Variants in PLXDC2 observed in about 807,000 individuals in gnomAD.
The protein encoded by PLXDC2 is plexin domain-containing protein 2.
In PLXDC2, 40 loss-of-function variants were observed where a neutral mutation model predicts 68.9. The ratio of observed to expected loss-of-function variants is 0.58; its 90% CI spans 0.45 to 0.76. The LOEUF (loss-of-function observed/expected upper bound fraction) is 0.76, where lower values mean the gene tolerates loss of function less well. Among genes scored for constraint, PLXDC2 ranks in the 30% least tolerant of loss-of-function variants. PLXDC2 has a pLI of 0.00. For missense variants in PLXDC2, 644 were observed against 661.9 expected (o/e 0.97, Z 0.30); for synonymous variants, 243 against 234.2 (o/e 1.04, Z -0.34).
chr10:19,943,814 T>C (rs1437857471), intron 1 of PLXDC2, among the ~76,000 whole-genome samples: 1 of 152,234 alleles, frequency 6.6e-6, no homozygotes. Flanking sequence ...GAAAATGGGC[T>C]ATTTCAGTGA....
chr10:19,993,297 C>T (rs1834780958), intron 1 of PLXDC2, among the ~76,000 whole-genome samples: 1 of 143,094 alleles, frequency 7.0e-6, no homozygotes, highest in African/African-American at 2.6e-5. Context: ...TTATATTTTC[C>T]ATAGGATAGT....
At chr10:20,125,284 A>G (rs1589641907) in intron 4 of PLXDC2, among the ~76,000 whole-genome samples, 2 of 152,302 alleles carry the variant, frequency 1.3e-5, no homozygotes, top group Admixed American at 6.5e-5. Context: ...TAACAACGCC[A>G]TATCCGAAAA....
chr10:20,281,122 A>G lies in PLXDC2; in HGVS notation c.*1303A>G, dbSNP rs1337589783. 6.6e-6 allele frequency: 1 copy of G among 152,106 alleles called. No homozygotes were observed. The highest frequency in any genetic ancestry group is 2.4e-5 in the African/African-American group (1 of 41,432). 9.4% of individuals were successfully genotyped at this position (152,106 alleles called of 1,614,324 possible). On this transcript the variant is annotated 3_prime_UTR_variant, in exon 14 of 14. Coordinates refer to ENST00000377252, the MANE Select transcript of PLXDC2 (RefSeq NM_032812.9). ...TGCCGCGCCCATCATGTTCTTGACT[A>G]TTTGATCCACTTTTTCGTTTATGTC...
intron 9 of PLXDC2, among the ~76,000 whole-genome samples, chr10:20,192,568 A>AG (rs756337572): frequency 6.6e-5 from 10 of 152,042 alleles, no homozygotes; most frequent in Non-Finnish European, 1.3e-4. Context: ...GTGTTTGAAG[A>AG]ATTTGTTATT....
intron 1 of PLXDC2, among the ~76,000 whole-genome samples, chr10:19,970,283 T>C (rs77966448): frequency 1.6e-3 from 238 of 152,332 alleles, no homozygotes; most frequent in African/African-American, 5.5e-3. Flanking sequence ...CATCATGGCC[T>C]TCGTACTTTG....
At chr10:20,263,799 G>C (rs1174978243) in intron 13 of PLXDC2, among the ~76,000 whole-genome samples, 1 of 152,090 alleles carries the variant, frequency 6.6e-6, no homozygotes, top group East Asian at 1.9e-4. Context: ...GAATGGCTAT[G>C]ATTAAAAAGT....
At chr10:20,156,061 C>T (rs762483179) in intron 6 of PLXDC2, among the ~76,000 whole-genome samples, 1 of 151,812 alleles carries the variant, frequency 6.6e-6, no homozygotes, top group Non-Finnish European at 1.5e-5. Context: ...TTGTGTCTCC[C>T]CCAAACCCAG....
At position 19,929,253 on chromosome 10, in the gene PLXDC2, G is replaced by T. The variant is rs1293740274; in HGVS notation, c.113-72522G>T. 3.3e-5 allele frequency among the ~76,000 whole-genome samples: 5 copies of T among 151,770 alleles called. No individual in the cohort carries two copies. The East Asian group carries it at 5.9e-4, about 18-fold the overall frequency. ...AAATAAATAACAACAACAACGAAAAGAACCCACTCTCTAGAGGGTAGCAGT... is the reference window on the plus strand; with the variant it reads ...AAATAAATAACAACAACAACGAAAATAACCCACTCTCTAGAGGGTAGCAGT... On this transcript the variant is annotated intron_variant, in intron 1 of 13. Transcript: ENST00000377252.
chr10:20,061,241 A>T (rs984327870), intron 3 of PLXDC2, among the ~76,000 whole-genome samples: 1 of 152,188 alleles, frequency 6.6e-6, no homozygotes, highest in African/African-American at 2.4e-5. Flanking sequence ...CCCATATAGC[A>T]TTTATGTGTC....
intron 2 of PLXDC2, among the ~76,000 whole-genome samples, chr10:20,037,495 G>A (rs12240803): frequency 6.6e-6 from 1 of 152,006 alleles, no homozygotes; most frequent in South Asian, 2.1e-4. Context: ...ATCTCCTAAT[G>A]CTCTATCTCA....
At chr10:20,164,042 A>G (rs1278418082) in intron 6 of PLXDC2, among the ~76,000 whole-genome samples, 2 of 152,202 alleles carry the variant, frequency 1.3e-5, no homozygotes, top group African/African-American at 4.8e-5. Context: ...CTGCTTATAA[A>G]CAAAGATTTT....
chr10:19,962,612 G>C (rs1205182318), intron 1 of PLXDC2, among the ~76,000 whole-genome samples: 2 of 147,164 alleles, frequency 1.4e-5, no homozygotes, highest in African/African-American at 2.5e-5. Flanking sequence ...ATATGGTCTC[G>C]ATCTCCTGAC....
chr10:19,877,390 C>T (rs1837651402), intron 1 of PLXDC2, among the ~76,000 whole-genome samples: 1 of 152,142 alleles, frequency 6.6e-6, no homozygotes, highest in African/African-American at 2.4e-5. Flanking sequence ...ACTCAGTCTC[C>T]CTTTCTTCCA....
chr10:20,215,483 T>A (rs1218565541), intron 10 of PLXDC2, among the ~76,000 whole-genome samples: 2 of 151,974 alleles, frequency 1.3e-5, no homozygotes, highest in Admixed American at 6.6e-5. Flanking sequence ...GTCCCTCTTC[T>A]GGGACTGCCT....
chr10:19,819,633 C>G (rs1402116007), intron 1 of PLXDC2, among the ~76,000 whole-genome samples: 4 of 152,180 alleles, frequency 2.6e-5, no homozygotes, highest in Non-Finnish European at 5.9e-5. Flanking sequence ...TTCATTGCCA[C>G]CAGAGGGCAG....
intron 9 of PLXDC2, among the ~76,000 whole-genome samples, chr10:20,210,678 A>C (rs61854644): frequency 0.17 from 26,208 of 152,148 alleles, 2,960 homozygotes; most frequent in Middle Eastern, 0.24. Context: ...TGTTATACTC[A>C]AGGTTGCCAC....
intron 1 of PLXDC2, among the ~76,000 whole-genome samples, chr10:19,997,299 CAT>C (rs1273023457): frequency 6.6e-6 from 1 of 152,208 alleles, no homozygotes; most frequent in Non-Finnish European, 1.5e-5. Context: ...GATGCAAAGA[CAT>C]ATGGCATTCT....
At chr10:20,166,694 A>G (rs1834379487) in intron 7 of PLXDC2, among the ~76,000 whole-genome samples, 1 of 152,236 alleles carries the variant, frequency 6.6e-6, no homozygotes, top group South Asian at 2.1e-4. Context: ...GTTCTGATAT[A>G]TTATTGCTTA....
At chr10:19,926,299 T>C (rs1394472916) in intron 1 of PLXDC2, among the ~76,000 whole-genome samples, 3 of 152,282 alleles carry the variant, frequency 2.0e-5, no homozygotes, top group African/African-American at 7.2e-5. Flanking sequence ...TACATCCTCA[T>C]TGGAATGGAC....
Sources: allele counts gnomAD v4.1 joint callset (sites outside exome capture counted in the v4.1 genomes callset), GRCh38; gene constraint gnomAD v4.1.1; transcripts MANE v1.5; gene names NCBI Gene and HGNC (gene_info 2026-07-23, HGNC 2026-07-21).